Variants in PIBF1 observed in about 807,000 individuals in gnomAD.
PIBF1 encodes progesterone immunomodulatory binding factor 1, also known as progesterone-induced-blocking factor 1.
PIBF1 carries 90 observed loss-of-function variants against 112.5 expected under a neutral mutation model. The observed-to-expected ratio is 0.80, with a 90% CI of 0.67 to 0.95. The LOEUF is 0.95. Among genes scored for constraint, PIBF1 ranks in the 40% least tolerant of loss-of-function variants. The probability of loss-of-function intolerance (pLI) is 0.00; values close to 1 mark genes in which losing one functional copy is unlikely to be tolerated. For synonymous variants in PIBF1, 301 were observed against 288.6 expected (o/e 1.04, Z -0.44); for missense variants, 915 against 852.3 (o/e 1.07, Z -0.92).
chr13:72,912,326 A>G (rs1433385132), intron 12 of PIBF1, among the ~76,000 whole-genome samples: 1 of 152,228 alleles, frequency 6.6e-6, no homozygotes. Flanking sequence ...CATGTAACTC[A>G]GTGATTAAAA....
At chr13:72,824,639 C>T (rs1036336886) in intron 6 of PIBF1, among the ~76,000 whole-genome samples, 5 of 151,860 alleles carry the variant, frequency 3.3e-5, no homozygotes, top group East Asian at 3.9e-4. Flanking sequence ...ATTTTGTAGC[C>T]GCATAATAAT....
At chr13:72,902,987 C>G (rs967580979) in intron 11 of PIBF1, among the ~76,000 whole-genome samples, 1 of 151,886 alleles carries the variant, frequency 6.6e-6, no homozygotes, top group Non-Finnish European at 1.5e-5. Flanking sequence ...CCTCTGCTTC[C>G]CCAGTTTAAG....
At chr13:72,918,737 C>G (rs960705940) in intron 13 of PIBF1, among the ~76,000 whole-genome samples, 12 of 146,518 alleles carry the variant, frequency 8.2e-5, no homozygotes, top group Non-Finnish European at 1.6e-4. Flanking sequence ...CAGAGACTCA[C>G]TGTGTCACCC....
intron 17 of PIBF1, among the ~76,000 whole-genome samples, chr13:73,012,291 G>A (rs1282115941): frequency 6.6e-6 from 1 of 152,136 alleles, no homozygotes; most frequent in Non-Finnish European, 1.5e-5. Context: ...GGCCAAGGTT[G>A]CAGTGAGCCG....
chr13:73,011,889 AACAG>A (rs937121048), intron 17 of PIBF1, among the ~76,000 whole-genome samples: 59 of 152,214 alleles, frequency 3.9e-4, no homozygotes, highest in African/African-American at 1.4e-3. Flanking sequence ...TGTTGGAATT[AACAG>A]ACAGAGAACC....
intron 16 of PIBF1, among the ~76,000 whole-genome samples, chr13:72,995,606 T>C (rs574484022): frequency 5.4e-4 from 82 of 152,240 alleles, no homozygotes; most frequent in African/African-American, 1.9e-3. Context: ...TATTCATATG[T>C]TTTACCATAA....
chr13:72,941,990 T>G (rs1057185889), intron 14 of PIBF1, among the ~76,000 whole-genome samples: 10 of 152,094 alleles, frequency 6.6e-5, no homozygotes, highest in Non-Finnish European at 1.5e-4. Flanking sequence ...GAAATGAGCT[T>G]TATTGGTATA....
At chr13:72,997,166 G>A (rs1295820477) in intron 16 of PIBF1, among the ~76,000 whole-genome samples, 1 of 152,072 alleles carries the variant, frequency 6.6e-6, no homozygotes, top group East Asian at 1.9e-4. Flanking sequence ...TTATCTTCAT[G>A]CCAAAGATAG....
At chr13:72,931,938 C>CTTTTTTTTTTTTTTTTTTT (rs59274277) in intron 14 of PIBF1, among the ~76,000 whole-genome samples, 3 of 100,836 alleles carry the variant, frequency 3.0e-5, no homozygotes, top group African/African-American at 7.8e-5. Flanking sequence ...TTGTTTCTTT[C>CTTTTTTTTTTTTTTTTTTT]TTTTTTTTTT....
intron 16 of PIBF1, among the ~76,000 whole-genome samples, chr13:72,998,407 A>G (rs2043749895): frequency 6.6e-6 from 1 of 151,702 alleles, no homozygotes; most frequent in East Asian, 1.9e-4. Context: ...CCCAGGAGGT[A>G]GAGGCTGCAG....
At chr13:72,979,487 A>G (rs1329625675) in intron 16 of PIBF1, among the ~76,000 whole-genome samples, 2 of 152,146 alleles carry the variant, frequency 1.3e-5, no homozygotes, top group African/African-American at 2.4e-5. Flanking sequence ...CCCTTTTCTC[A>G]TGGCTCTTGG....
In PIBF1 at chr13:72,965,287, A is replaced by G; in HGVS notation, c.1847A>G (p.Asn616Ser). 1.2e-6 allele frequency: 2 copies of G among 1,610,098 alleles called. No homozygotes were observed. Among genetic ancestry groups the G allele is most frequent in the Non-Finnish European group, 1.7e-6 (2 of 1,178,680 alleles). Residue 616 changes from asparagine (N) to serine (S), a missense_variant, in exon 15 of 18, where the codon AAT (asparagine) becomes AGT (serine). Coordinates refer to ENST00000326291, the MANE Select transcript of PIBF1 (RefSeq NM_006346.4). ...GTGTTTCTTTAGCTTGACAGAGCCA[A>G]TTCGCTATTAAACCAGACTCAACAG... ...TQLSQELDRA[N>S]SLLNQTQQPY... is the part of the protein sequence containing the mutation.
At chr13:72,801,132 A>G (rs1221122255) in intron 5 of PIBF1, among the ~76,000 whole-genome samples, 2 of 152,194 alleles carry the variant, frequency 1.3e-5, no homozygotes, top group Non-Finnish European at 2.9e-5. Context: ...CAGAGAGGTA[A>G]TGAGTCTGTT....
At chr13:73,013,591 G>T (rs937895402) in intron 17 of PIBF1, among the ~76,000 whole-genome samples, 1 of 151,652 alleles carries the variant, frequency 6.6e-6, no homozygotes, top group East Asian at 1.9e-4. Context: ...ATAAAAATTA[G>T]CTGAGAGTGA....
chr13:72,812,971 G>A (rs1313757675), intron 5 of PIBF1, among the ~76,000 whole-genome samples: 2 of 151,962 alleles, frequency 1.3e-5, no homozygotes, highest in Non-Finnish European at 2.9e-5. Flanking sequence ...AAAGAAAAAA[G>A]AAAAGAAAGA....
rs1214314839 is a variant in PIBF1 at position 72,912,651 on chromosome 13, C to A, written c.1639+3970C>A. Among the ~76,000 whole-genome samples the A allele has an allele frequency of 2.0e-5, 3 of 152,128 alleles. No homozygotes were observed. In the East Asian group the frequency reaches 5.8e-4, roughly 29 times the overall value. On this transcript the variant is annotated intron_variant, in intron 12 of 17. Coordinates refer to ENST00000326291, the MANE Select transcript of PIBF1 (RefSeq NM_006346.4). ...AAGCATATGCACCTTAAAAGATTTC[C>A]TCTAGAATGTTCATAGGAAATGTAT... is the stretch of plus-strand genomic sequence containing the variant.
At chr13:73,006,169 T>G (rs1305759160) in intron 17 of PIBF1, among the ~76,000 whole-genome samples, 4 of 152,142 alleles carry the variant, frequency 2.6e-5, no homozygotes, top group Non-Finnish European at 4.4e-5. Flanking sequence ...TCTGCCCACC[T>G]CGGCCTCCCA....
intron 9 of PIBF1, among the ~76,000 whole-genome samples, chr13:72,845,033 C>T (rs886611065): frequency 1.3e-4 from 20 of 151,840 alleles, no homozygotes; most frequent in Non-Finnish European, 2.4e-4. Flanking sequence ...AGGTTTGTTG[C>T]ATAGGTATAC....
rs1406175976 is a variant in PIBF1 at position 72,973,572 on chromosome 13, C to T, written c.1965-19C>T. On this transcript the variant is annotated intron_variant, in intron 15 of 17. Transcript: ENST00000326291. ...ATACTAACATAATGACTTTTTAAAA[C>T]TGGGGTTTTTTTTTTCAGCAACTTA... 10 of 1,344,634 alleles carry T rather than the reference C, an allele frequency of 7.4e-6. No homozygotes were observed. The highest frequency in any genetic ancestry group is 8.3e-6 in the Non-Finnish European group (8 of 964,422). 83.3% of individuals were successfully genotyped at this position (1,344,634 alleles called of 1,614,324 possible).
Sources: allele counts gnomAD v4.1 joint callset (sites outside exome capture counted in the v4.1 genomes callset), GRCh38; gene constraint gnomAD v4.1.1; transcripts MANE v1.5; gene names NCBI Gene and HGNC (gene_info 2026-07-23, HGNC 2026-07-21).